Variants in SYN3 observed in about 807,000 individuals in gnomAD.
SYN3 encodes synapsin-3.
A neutral mutation model predicts 65.8 loss-of-function variants in SYN3; 35 were observed. That is an observed-to-expected ratio of 0.53 (90% CI 0.41 to 0.70). The LOEUF (loss-of-function observed/expected upper bound fraction) is 0.70. SYN3 is among the 30% of genes least tolerant of loss of function. SYN3 has a pLI of 0.00. For missense variants in SYN3, 680 were observed against 749.0 expected, an observed-to-expected ratio of 0.91 and a Z score of 1.08; for synonymous variants, 270 against 292.9, an observed-to-expected ratio of 0.92 and a Z score of 0.80.
chr22:32,727,317 C>T (rs2061209670), intron 6 of SYN3, among the ~76,000 whole-genome samples: 1 of 152,212 alleles, frequency 6.6e-6, no homozygotes, highest in African/African-American at 2.4e-5. Flanking sequence ...AGGACATGAT[C>T]TCATTCCTTT....
At chr22:32,895,900 T>C (rs1426602468) in intron 4 of SYN3, among the ~76,000 whole-genome samples, 1 of 152,176 alleles carries the variant, frequency 6.6e-6, no homozygotes, top group Non-Finnish European at 1.5e-5. Context: ...TTAACCTCTC[T>C]GTGTATAAGA....
At chr22:32,748,976 C>A (rs942034158) in intron 6 of SYN3, among the ~76,000 whole-genome samples, 1 of 152,132 alleles carries the variant, frequency 6.6e-6, no homozygotes, top group Non-Finnish European at 1.5e-5. Flanking sequence ...GGACATTTTG[C>A]CCCCGCTCCC....
chr22:32,971,111 C>T (rs2052006395), intron 3 of SYN3, among the ~76,000 whole-genome samples: 3 of 152,192 alleles, frequency 2.0e-5, no homozygotes, highest in South Asian at 2.1e-4. Flanking sequence ...GTTCAATAAA[C>T]TTTGCTTCTA....
chr22:32,941,179 G>C (rs1291690601), intron 3 of SYN3, among the ~76,000 whole-genome samples: 1 of 152,160 alleles, frequency 6.6e-6, no homozygotes, highest in African/African-American at 2.4e-5. Context: ...AGTATGGTCA[G>C]CTGGTTGAGA....
intron 6 of SYN3, among the ~76,000 whole-genome samples, chr22:32,690,746 G>A (rs1258541439): frequency 6.6e-6 from 1 of 152,160 alleles, no homozygotes. Context: ...AGGAAGACAG[G>A]GAGGAAGAAG....
chr22:32,915,280 A>T (rs911757722), intron 4 of SYN3, among the ~76,000 whole-genome samples: 1 of 152,198 alleles, frequency 6.6e-6, no homozygotes, highest in Non-Finnish European at 1.5e-5. Context: ...ATAATAATAA[A>T]AAAAGAATTA....
At chr22:32,642,471 T>C (rs971927613) in intron 6 of SYN3, among the ~76,000 whole-genome samples, 2 of 151,666 alleles carry the variant, frequency 1.3e-5, no homozygotes, top group Non-Finnish European at 2.9e-5. Flanking sequence ...GATGGAGTCT[T>C]GCTCTGTCGC....
chr22:32,835,271 G>A (rs2047697415), intron 6 of SYN3, among the ~76,000 whole-genome samples: 1 of 152,174 alleles, frequency 6.6e-6, no homozygotes. Context: ...CACCTACTAT[G>A]TTCCAGACAC....
At chr22:32,876,909 C>T (rs535239922) in intron 4 of SYN3, among the ~76,000 whole-genome samples, 1 of 152,150 alleles carries the variant, frequency 6.6e-6, no homozygotes, top group East Asian at 1.9e-4. Flanking sequence ...CTAAAACTTT[C>T]GGTTGGTACA....
chr22:32,618,073 A>C (rs1322980495), intron 6 of SYN3, among the ~76,000 whole-genome samples: 1 of 152,028 alleles, frequency 6.6e-6, no homozygotes, highest in Non-Finnish European at 1.5e-5. Flanking sequence ...TTATCCCCGG[A>C]GCCTGGCATG....
chr22:32,773,828 G>A (rs117182504), intron 6 of SYN3, among the ~76,000 whole-genome samples: 3,042 of 152,238 alleles, frequency 0.02, 47 homozygotes, highest in Non-Finnish European at 0.031. Flanking sequence ...GGGGAGGAAA[G>A]GTTGCTTCTA....
chr22:32,749,084 T>A (rs557108258), intron 6 of SYN3, among the ~76,000 whole-genome samples: 3 of 152,190 alleles, frequency 2.0e-5, no homozygotes, highest in African/African-American at 7.2e-5. Flanking sequence ...ATAAACACAG[T>A]TTCTCACACT....
chr22:32,540,373 CG>C (rs765096830), intron 8 of SYN3, among the ~76,000 whole-genome samples: 48 of 152,196 alleles, frequency 3.2e-4, no homozygotes, highest in Non-Finnish European at 1.5e-4. Context: ...CAGAAGCCTG[CG>C]GATGGAGGGA....
At chr22:32,903,186 G>C (rs962266579) in intron 4 of SYN3, among the ~76,000 whole-genome samples, 1 of 152,278 alleles carries the variant, frequency 6.6e-6, no homozygotes, top group East Asian at 1.9e-4. Flanking sequence ...AGTAAGACCA[G>C]TGAATGTTTG....
intron 6 of SYN3, among the ~76,000 whole-genome samples, chr22:32,758,938 T>A (rs981476550): frequency 2.6e-5 from 4 of 151,360 alleles, no homozygotes; most frequent in Non-Finnish European, 4.4e-5. Context: ...ATAGTGCCCA[T>A]TGCTTGTGAT....
rs544169687 is a variant in SYN3 at position 33,034,243 on chromosome 22, A to ACTTT, written c.-163+24048_-163+24049insAAAG. ...AGTTCTCAGGATATCTGTATGTACT[A>ACTTT]CTTGCTTTCTTTCTTTCTTTCAAGA... is the stretch of plus-strand genomic sequence containing the variant. On this transcript the variant is annotated intron_variant, in intron 1 of 13. Coordinates refer to ENST00000358763, the MANE Select transcript of SYN3 (RefSeq NM_003490.4). Among the ~76,000 whole-genome samples the ACTTT allele has an allele frequency of 2.9e-4, 44 of 151,290 alleles. 1 individual carries two copies. In the South Asian group the frequency reaches 7.1e-3, roughly 25 times the overall value.
At chr22:32,668,188 A>G (rs2060316435) in intron 6 of SYN3, among the ~76,000 whole-genome samples, 1 of 152,216 alleles carries the variant, frequency 6.6e-6, no homozygotes, top group Non-Finnish European at 1.5e-5. Flanking sequence ...AAATCACCTC[A>G]TAGATGCAGA....
At chr22:32,804,713 G>C (rs1026862118) in intron 6 of SYN3, among the ~76,000 whole-genome samples, 8 of 152,196 alleles carry the variant, frequency 5.3e-5, no homozygotes, top group Non-Finnish European at 1.0e-4. Context: ...GGAGTTAAAA[G>C]GTGTTTCTAT....
intron 6 of SYN3, among the ~76,000 whole-genome samples, chr22:32,635,471 A>G (rs1215323180): frequency 6.6e-6 from 1 of 152,162 alleles, no homozygotes; most frequent in Non-Finnish European, 1.5e-5. Context: ...CACTACCTTC[A>G]CTTATTTCAA....
Sources: gnomAD v4.1 joint callset for allele counts (sites outside exome capture counted in the v4.1 genomes callset) on GRCh38, gnomAD v4.1.1 for gene constraint, MANE v1.5 for transcripts, NCBI Gene and HGNC (gene_info 2026-07-23, HGNC 2026-07-21) for gene names.